DPRX: variants seen among roughly 807,000 people sequenced by gnomAD.
The protein encoded by DPRX is divergent-paired related homeobox.
A neutral mutation model predicts 8.4 loss-of-function variants in DPRX; 11 were observed. The observed-to-expected ratio is 1.31, with a 90% CI of 0.82 to 2.17. DPRX has a LOEUF of 2.17. DPRX is among the 30% of genes most tolerant of loss of function. The pLI, the probability that DPRX is intolerant of heterozygous loss-of-function variation, is 0.00. For missense variants in DPRX, 211 were observed against 236.7 expected (o/e 0.89, Z 0.71); for synonymous variants, 72 against 87.0 (o/e 0.83, Z 0.96).
At position 53,632,135 on chromosome 19, in the gene DPRX, G is replaced by T. The variant is rs568205088; in HGVS notation, c.28+1G>T. ...CCAGGCTCAGAGGATCTTCGTAAAGGTAAGCCAGAAAAAATGAGAACCGAA... is the reference window on the plus strand; with the variant it reads ...CCAGGCTCAGAGGATCTTCGTAAAGTTAAGCCAGAAAAAATGAGAACCGAA... On this transcript the variant is annotated splice_donor_variant, in intron 1 of 2. Coordinates refer to ENST00000376650, the Ensembl canonical transcript of DPRX. LOFTEE classifies it high-confidence loss of function. The T allele has an allele frequency of 8.1e-6, 13 of 1,614,002 alleles. No individual in the cohort carries two copies. In the South Asian group the frequency reaches 1.4e-4, roughly 18 times the overall value.
the DPRX span, among the ~76,000 whole-genome samples, chr19:53,620,417 C>T: frequency 1.5e-4 from 23 of 151,748 alleles, no homozygotes; most frequent in African/African-American, 5.3e-4. Flanking sequence ...GGCTGGAGTG[C>T]AGTGGTGTGA....
chr19:53,621,752 C>G, the DPRX span, among the ~76,000 whole-genome samples: 1 of 151,972 alleles, frequency 6.6e-6, no homozygotes, highest in Non-Finnish European at 1.5e-5. Context: ...CCACTGCACT[C>G]CACCCTGGGA....
the DPRX span, among the ~76,000 whole-genome samples, chr19:53,619,161 G>T: frequency 6.6e-6 from 1 of 152,106 alleles, no homozygotes; most frequent in Admixed American, 6.6e-5. Flanking sequence ...CAGTTCCAGA[G>T]GTTTATTTAG....
chr19:53,628,010 C>T (rs947280915), upstream of DPRX, among the ~76,000 whole-genome samples: 5 of 151,722 alleles, frequency 3.3e-5, no homozygotes, highest in African/African-American at 7.3e-5. Flanking sequence ...CCAGCCTGGG[C>T]GACAGAGTAA....
chr19:53,626,397 C>CA, the DPRX span, among the ~76,000 whole-genome samples: 2 of 152,130 alleles, frequency 1.3e-5, no homozygotes, highest in South Asian at 4.2e-4. Context: ...CCCATCTCTA[C>CA]AAAAAAAGTT....
chr19:53,632,207 C>T, intron 1 of DPRX, 73 bp downstream of exon 1: 1 of 1,607,470 alleles, frequency 6.2e-7, no homozygotes, highest in Non-Finnish European at 8.5e-7. Flanking sequence ...CGGGAAAAGG[C>T]AGAGGGACCA....
chr19:53,624,255 T>C, the DPRX span, among the ~76,000 whole-genome samples: 1 of 151,044 alleles, frequency 6.6e-6, no homozygotes, highest in Non-Finnish European at 1.5e-5. Flanking sequence ...GCCCAGCTAA[T>C]TTTTGTACTT....
At chr19:53,603,170 G>C in the DPRX span, among the ~76,000 whole-genome samples, 1 of 151,372 alleles carries the variant, frequency 6.6e-6, no homozygotes, top group Non-Finnish European at 1.5e-5. Flanking sequence ...TCCCGCCTCA[G>C]CCTCCCAAAG....
At chr19:53,636,144 G>A (rs958986203) in intron 2 of DPRX, among the ~76,000 whole-genome samples, 1 of 152,062 alleles carries the variant, frequency 6.6e-6, no homozygotes, top group Non-Finnish European at 1.5e-5. Context: ...GAGGTGGGCG[G>A]ATCATGAGGT....
the DPRX span, among the ~76,000 whole-genome samples, chr19:53,611,199 G>A: frequency 1.3e-5 from 2 of 152,112 alleles, no homozygotes; most frequent in Non-Finnish European, 2.9e-5. Flanking sequence ...ACAGAGCCCA[G>A]CCACAAAGTG....
At chr19:53,620,799 G>A in the DPRX span, among the ~76,000 whole-genome samples, 2 of 152,104 alleles carry the variant, frequency 1.3e-5, no homozygotes, top group East Asian at 1.9e-4. Flanking sequence ...TCACCTTGTT[G>A]CCCAGGCTGG....
At chr19:53,617,699 T>C in the DPRX span, among the ~76,000 whole-genome samples, 1 of 152,086 alleles carries the variant, frequency 6.6e-6, no homozygotes, top group Admixed American at 6.6e-5. Flanking sequence ...AAATATCTAG[T>C]GAAAAACCAG....
chr19:53,608,180 A>T, the DPRX span: 2 of 150,180 alleles, frequency 1.3e-5, no homozygotes, highest in Non-Finnish European at 3.0e-5. Context: ...CAAAAAAAAA[A>T]AGTAAATAAA....
At chr19:53,628,907 C>CT (rs1415688006), upstream of DPRX, among the ~76,000 whole-genome samples, 1 of 151,744 alleles carries the variant, frequency 6.6e-6, no homozygotes, top group Admixed American at 6.6e-5. Flanking sequence ...TTTCCTAACT[C>CT]TAAAATAAAG....
chr19:53,624,270 A>C, the DPRX span, among the ~76,000 whole-genome samples: 2 of 151,440 alleles, frequency 1.3e-5, no homozygotes, highest in African/African-American at 4.8e-5. Flanking sequence ...GTACTTTTTT[A>C]GTAGAGACGG....
the DPRX span, among the ~76,000 whole-genome samples, chr19:53,620,175 T>A: frequency 6.6e-6 from 1 of 152,028 alleles, no homozygotes; most frequent in Admixed American, 6.6e-5. Context: ...GTTCAAGCCA[T>A]TCTCCTGCCT....
chr19:53,613,425 G>A, the DPRX span, among the ~76,000 whole-genome samples: 2 of 151,892 alleles, frequency 1.3e-5, no homozygotes, highest in Non-Finnish European at 2.9e-5. Context: ...CAGCTCGACT[G>A]TAACCTTCAC....
At chr19:53,612,896 C>G in the DPRX span, among the ~76,000 whole-genome samples, 4 of 152,172 alleles carry the variant, frequency 2.6e-5, no homozygotes, top group Admixed American at 6.6e-5. Flanking sequence ...GAGCAGCCTT[C>G]CCTCCTGCTG....
At chr19:53,610,666 C>A in the DPRX span, among the ~76,000 whole-genome samples, 1 of 152,190 alleles carries the variant, frequency 6.6e-6, no homozygotes, top group East Asian at 1.9e-4. Flanking sequence ...AGGCTGCCTG[C>A]AGCTCAGGAT....
Sources: gnomAD v4.1 joint callset for allele counts (sites outside exome capture counted in the v4.1 genomes callset) on GRCh38, gnomAD v4.1.1 for gene constraint, MANE v1.5 for transcripts, NCBI Gene and HGNC (gene_info 2026-07-23, HGNC 2026-07-21) for gene names.